SPINK5: variants seen among roughly 807,000 people sequenced by gnomAD.
SPINK5 encodes the protein serine protease inhibitor Kazal-type 5.
In SPINK5, 125 loss-of-function variants were observed where a neutral mutation model predicts 151.8. The observed-to-expected ratio is 0.82, with a 90% CI of 0.71 to 0.96. SPINK5 has a LOEUF of 0.96. Ranked by LOEUF, SPINK5 falls within the 40% of genes least tolerant of loss-of-function variation. The pLI is 0.00. For missense variants in SPINK5, 1,194 were observed against 1,291.9 expected (o/e 0.92, Z 1.16); for synonymous variants, 374 against 395.3 (o/e 0.95, Z 0.64).
rs552185765 is a variant in SPINK5, at chr5:148,135,066, A to G, written c.3186+1179A>G. Among the ~76,000 whole-genome samples the G allele has an allele frequency of 6.6e-5, 10 of 152,140 alleles. No homozygotes were observed. The South Asian group carries it at 2.1e-3, about 32-fold the overall frequency. On this transcript the variant is annotated intron_variant, in intron 32 of 32. Coordinates refer to ENST00000256084, the MANE Select transcript of SPINK5 (RefSeq NM_006846.4). Reference sequence around the variant, plus strand: ...CCGAGGACTGGAATGAAATCAGAAGACCTTATCTTTCTCATGTGGGCTTGA... The same window carrying G: ...CCGAGGACTGGAATGAAATCAGAAGGCCTTATCTTTCTCATGTGGGCTTGA...
At chr5:148,112,297 C>T (rs1753955519) in intron 19 of SPINK5, among the ~76,000 whole-genome samples, 1 of 152,106 alleles carries the variant, frequency 6.6e-6, no homozygotes, top group East Asian at 1.9e-4. Context: ...AGAACAATAT[C>T]TTTATTTTTC....
intron 16 of SPINK5, among the ~76,000 whole-genome samples, chr5:148,105,883 C>T (rs1009056961): frequency 6.6e-6 from 1 of 151,558 alleles, no homozygotes; most frequent in Non-Finnish European, 1.5e-5. Flanking sequence ...CTTGGCCTCC[C>T]AAAGTCCTGG....
Position 148,123,977 on chromosome 5 carries a change from A to C in SPINK5, c.2666+17A>C. 6.2e-7 allele frequency: 1 copy of C among 1,613,494 alleles called. No individual in the cohort carries two copies. Reference sequence around the variant, plus strand: ...GAGCATCTTGTACGTAAAAAGGTTTATCAATAAATTTGATAGTTGTGCCTG... The same window carrying C: ...GAGCATCTTGTACGTAAAAAGGTTTCTCAATAAATTTGATAGTTGTGCCTG... On this transcript the variant is annotated intron_variant, in intron 27 of 32. Coordinates refer to ENST00000256084, the MANE Select transcript of SPINK5 (RefSeq NM_006846.4).
intron 13 of SPINK5, 140 bp downstream of exon 13, chr5:148,100,721 C>A (rs1753618881): frequency 1.0e-6 from 1 of 954,676 alleles, no homozygotes; most frequent in Non-Finnish European, 1.6e-6. Context: ...TGATTGGAGA[C>A]ATGTATTTGA....
chr5:148,095,052 C>A (rs1753418789), intron 9 of SPINK5, among the ~76,000 whole-genome samples: 1 of 151,892 alleles, frequency 6.6e-6, no homozygotes, highest in Non-Finnish European at 1.5e-5. Context: ...CTGTCCTATG[C>A]CAGTTCCTCC....
chr5:148,081,275 G>T (rs6896308), intron 4 of SPINK5, among the ~76,000 whole-genome samples: 1 of 151,552 alleles, frequency 6.6e-6, no homozygotes, highest in Non-Finnish European at 1.5e-5. Flanking sequence ...GGAATTCAGT[G>T]AAGTGAAAAT....
rs1554105687 is a variant in SPINK5, at chr5:148,112,671, C to CTA, written c.1821-197_1821-196insTA. ...CTGGCAACAGAGTGAGACTCCATCTCAAAAAAAAACCAAAAAACAAACAAA... is the reference window on the plus strand; with the variant it reads ...CTGGCAACAGAGTGAGACTCCATCTCTAAAAAAAAAACCAAAAAACAAACAAA... On this transcript the variant is annotated intron_variant, in intron 19 of 32. Transcript: ENST00000256084. 1.4e-4 allele frequency among the ~76,000 whole-genome samples: 17 copies of CTA among 125,280 alleles called. No homozygotes were observed. The East Asian group carries it at 5.0e-3, about 37-fold the overall frequency. The allele number at this position is 125,280 out of a possible 152,430, so 82.2% of individuals were successfully genotyped here.
At chr5:148,127,615 G>T (rs1754465787) in intron 30 of SPINK5, among the ~76,000 whole-genome samples, 1 of 152,136 alleles carries the variant, frequency 6.6e-6, no homozygotes, top group African/African-American at 2.4e-5. Context: ...CACTGTGGGA[G>T]GCCAAGCGGG....
chr5:148,094,118 G>A (rs1443621383), intron 8 of SPINK5, among the ~76,000 whole-genome samples: 1 of 151,768 alleles, frequency 6.6e-6, no homozygotes, highest in Non-Finnish European at 1.5e-5. Context: ...AACATGATGA[G>A]ATCCAGTCTC....
At chr5:148,083,941 A>G (rs956371430) in intron 4 of SPINK5, among the ~76,000 whole-genome samples, 2 of 151,652 alleles carry the variant, frequency 1.3e-5, no homozygotes, top group Admixed American at 6.6e-5. Context: ...TTTATTCTTT[A>G]TATTGCTAGA....
At chr5:148,127,618 C>T (rs1754465915) in intron 30 of SPINK5, among the ~76,000 whole-genome samples, 2 of 151,998 alleles carry the variant, frequency 1.3e-5, no homozygotes, top group Non-Finnish European at 2.9e-5. Context: ...TGTGGGAGGC[C>T]AAGCGGGCAG....
In SPINK5 at chr5:148,082,861, G is replaced by A. The variant is rs1406625015; in HGVS notation, c.283-3544G>A. ...CCTGACCTCGTGATCCGCCCGCCTCGGCCTCCCAAAGTGCTGGGATTACAG... is the reference window on the plus strand; with the variant it reads ...CCTGACCTCGTGATCCGCCCGCCTCAGCCTCCCAAAGTGCTGGGATTACAG... On this transcript the variant is annotated intron_variant, in intron 4 of 32. Transcript: ENST00000256084. Among the ~76,000 whole-genome samples the A allele has an allele frequency of 9.3e-4, 13 of 13,962 alleles. 4 individuals carry two copies. The highest frequency in any genetic ancestry group is 1.4e-3 in the Non-Finnish European group (13 of 9,502). The allele number at this position is 13,962 out of a possible 152,430, so 9.2% of individuals were successfully genotyped here. A position where few individuals can be genotyped will look rare whatever the true frequency, so the allele number is the denominator to read the frequency against.
At chr5:148,106,991 G>A (rs771575928) in intron 16 of SPINK5, 46 bp from the exon 17 acceptor site, 4 of 1,603,640 alleles carry the variant, frequency 2.5e-6, no homozygotes, top group South Asian at 2.2e-5. Flanking sequence ...AAAGATGCAG[G>A]AAGGATAGAA....
At chr5:148,113,842 T>C (rs1754009865) in intron 20 of SPINK5, among the ~76,000 whole-genome samples, 1 of 151,898 alleles carries the variant, frequency 6.6e-6, no homozygotes, top group Non-Finnish European at 1.5e-5. Flanking sequence ...TTCACATTAC[T>C]ACTACAGACA....
intron 4 of SPINK5, among the ~76,000 whole-genome samples, chr5:148,074,432 T>C (rs1451284581): frequency 1.3e-5 from 2 of 151,868 alleles, no homozygotes; most frequent in East Asian, 3.9e-4. Context: ...TTTTAATTGA[T>C]GAATTCATTC....
intron 31 of SPINK5, among the ~76,000 whole-genome samples, chr5:148,133,559 A>G (rs1244856386): frequency 6.6e-6 from 1 of 152,172 alleles, no homozygotes; most frequent in Non-Finnish European, 1.5e-5. Context: ...CTCTATGAAT[A>G]TATCAGTGAA....
chr5:148,065,379 C>T lies in SPINK5; in HGVS notation c.81+7C>T. 1.2e-6 allele frequency: 2 copies of T among 1,613,410 alleles called. No homozygotes were observed. The highest frequency in any genetic ancestry group is 2.7e-5 in the African/African-American group (2 of 75,020). ...CAGTAAGAATGAAGATCAGGTTAGT[C>T]CTGCTTTTTCTGTTCATTGAATTCA... On this transcript the variant is annotated splice_region_variant and intron_variant, in intron 2 of 32. Coordinates refer to ENST00000256084, the MANE Select transcript of SPINK5 (RefSeq NM_006846.4).
chr5:148,071,353 A>T (rs542502946), intron 3 of SPINK5, among the ~76,000 whole-genome samples: 1 of 152,190 alleles, frequency 6.6e-6, no homozygotes, highest in South Asian at 2.1e-4. Flanking sequence ...TTGATCATGC[A>T]CTGCTTCTAG....
chr5:148,134,830 T>A (rs1389402090), intron 32 of SPINK5, among the ~76,000 whole-genome samples: 1 of 152,058 alleles, frequency 6.6e-6, no homozygotes, highest in Non-Finnish European at 1.5e-5. Flanking sequence ...CACATTCTCT[T>A]TGCTCCATTC....
Sources: gnomAD v4.1 joint callset for allele counts (sites outside exome capture counted in the v4.1 genomes callset) on GRCh38, gnomAD v4.1.1 for gene constraint, MANE v1.5 for transcripts, NCBI Gene and HGNC (gene_info 2026-07-23, HGNC 2026-07-21) for gene names.